The following AKAP6 variants were observed in gnomAD, a reference collection of about 807,000 sequenced individuals.
AKAP6 encodes A-kinase anchor protein 6.
A neutral mutation model predicts 188.5 loss-of-function variants in AKAP6; 58 were observed. That is an observed-to-expected ratio of 0.31 (90% CI 0.25 to 0.38). The LOEUF (loss-of-function observed/expected upper bound fraction) is 0.38. AKAP6 is among the 10% of genes least tolerant of loss of function. AKAP6 has a pLI of 1.00. For synonymous variants in AKAP6, 989 were observed against 998.6 expected (o/e 0.99, Z 0.18); for missense variants, 2,710 against 2,740.0 (o/e 0.99, Z 0.24).
intron 12 of AKAP6, among the ~76,000 whole-genome samples, chr14:32,803,633 C>T (rs1396536595): frequency 1.3e-5 from 2 of 152,028 alleles, no homozygotes; most frequent in Non-Finnish European, 2.9e-5. Flanking sequence ...TTGATCTTTC[C>T]ATTTTCTCTG....
rs866236844 is a variant in AKAP6, at chr14:32,455,702, T to G, written c.324+21885T>G. The stretch of plus-strand genomic sequence containing the variant: ...CACTTTAAAATTTTCTTTTGTGATG[T>G]TGTTGCTAGGGGAACAATATGGTAA... On this transcript the variant is annotated intron_variant, in intron 2 of 13. Coordinates refer to ENST00000280979, the MANE Select transcript of AKAP6 (RefSeq NM_004274.5). Among the ~76,000 whole-genome samples the G allele has an allele frequency of 4.6e-5, 7 of 152,230 alleles. 1 individual carries two copies. In the South Asian group the frequency reaches 1.4e-3, roughly 31 times the overall value.
chr14:32,647,530 C>T lies in AKAP6; in HGVS notation c.2731-30781C>T, dbSNP rs899483977. Among the ~76,000 whole-genome samples, 9 of 152,152 alleles carry T rather than the reference C, an allele frequency of 5.9e-5. No homozygotes were observed. The South Asian group carries it at 8.3e-4, about 14-fold the overall frequency. ...CTTATCTTCTAATAGGAAGACTGAG[C>T]GGAATTTAAGTGGCATCTTCAGCTT... On this transcript the variant is annotated intron_variant, in intron 7 of 13. Transcript: ENST00000280979.
chr14:32,576,187 A>G (rs1884706014), intron 4 of AKAP6, among the ~76,000 whole-genome samples: 1 of 152,140 alleles, frequency 6.6e-6, no homozygotes, highest in African/African-American at 2.4e-5. Flanking sequence ...TTTGAAAGGC[A>G]CATCTGAAGA....
chr14:32,539,397 T>C (rs1882821046), intron 3 of AKAP6, among the ~76,000 whole-genome samples: 1 of 152,134 alleles, frequency 6.6e-6, no homozygotes, highest in Admixed American at 6.6e-5. Flanking sequence ...CTGGCACTTA[T>C]AATGGGCCAA....
chr14:32,633,547 A>G (rs906610779), intron 7 of AKAP6, among the ~76,000 whole-genome samples: 1 of 152,032 alleles, frequency 6.6e-6, no homozygotes, highest in African/African-American at 2.4e-5. Flanking sequence ...GCTTTGGACA[A>G]TGGTAAGTGA....
At chr14:32,620,397 G>A (rs1252121430) in intron 7 of AKAP6, among the ~76,000 whole-genome samples, 1 of 152,008 alleles carries the variant, frequency 6.6e-6, no homozygotes, top group Non-Finnish European at 1.5e-5. Flanking sequence ...TTCATTGAAT[G>A]TTTTTTCTGC....
At chr14:32,523,485 T>C (rs1356007182) in intron 2 of AKAP6, among the ~76,000 whole-genome samples, 2 of 151,718 alleles carry the variant, frequency 1.3e-5, no homozygotes, top group Admixed American at 6.6e-5. Context: ...TTTTTTTTTT[T>C]TGAGACGGGG....
chr14:32,758,151 A>C (rs2032408404), intron 11 of AKAP6, among the ~76,000 whole-genome samples: 1 of 152,322 alleles, frequency 6.6e-6, no homozygotes, highest in Non-Finnish European at 1.5e-5. Context: ...AGTGCTTAGA[A>C]GATGGTAGAA....
Position 32,431,130 on chromosome 14 carries a change from G to T in AKAP6, c.-34-2330G>T, listed in dbSNP as rs140893266. 7.0e-3 allele frequency among the ~76,000 whole-genome samples: 1,072 copies of T among 152,180 alleles called. 8 individuals are homozygous for T. The highest frequency in any genetic ancestry group is 0.02 in the Middle Eastern group (6 of 294). Reference sequence around the variant, plus strand: ...AAAAAAAAAAAAATTGGAGAAATTGGAATCAGCCTGAGGCTGGGGTATGGT... The same window carrying T: ...AAAAAAAAAAAAATTGGAGAAATTGTAATCAGCCTGAGGCTGGGGTATGGT... On this transcript the variant is annotated intron_variant, in intron 1 of 13. Coordinates refer to ENST00000280979, the MANE Select transcript of AKAP6 (RefSeq NM_004274.5).
intron 12 of AKAP6, among the ~76,000 whole-genome samples, chr14:32,813,432 T>G (rs1482582847): frequency 3.4e-5 from 4 of 118,148 alleles, no homozygotes; most frequent in Non-Finnish European, 6.5e-5. Flanking sequence ...TCGGTGGAGC[T>G]GAAAGTTCCA....
chr14:32,668,852 G>T (rs183687909), intron 7 of AKAP6, among the ~76,000 whole-genome samples: 76 of 151,940 alleles, frequency 5.0e-4, no homozygotes, highest in Admixed American at 5.0e-3. Context: ...TATATGCAGT[G>T]GTCTTTGCTG....
At chr14:32,739,506 C>A (rs1474099056) in intron 11 of AKAP6, among the ~76,000 whole-genome samples, 3 of 151,942 alleles carry the variant, frequency 2.0e-5, no homozygotes, top group Admixed American at 6.6e-5. Flanking sequence ...CCATTAACCA[C>A]CCTGTTTGCC....
At chr14:32,404,703 T>G (rs1475434032) in intron 1 of AKAP6, among the ~76,000 whole-genome samples, 3 of 128,424 alleles carry the variant, frequency 2.3e-5, no homozygotes, top group African/African-American at 8.7e-5. Context: ...TATATATATA[T>G]ATATATATTA....
chr14:32,769,255 A>G (rs1166251873), intron 11 of AKAP6, among the ~76,000 whole-genome samples: 1 of 151,146 alleles, frequency 6.6e-6, no homozygotes, highest in Non-Finnish European at 1.5e-5. Context: ...ACTGTGTTGG[A>G]TAGGCTGGTC....
rs1046881172 is a variant in AKAP6, at chr14:32,832,406, T to C, written c.*2601T>C. 2.6e-5 allele frequency: 4 copies of C among 152,222 alleles called. No homozygotes were observed. The highest frequency in any genetic ancestry group is 2.0e-4 in the Admixed American group (3 of 15,282). The allele number at this position is 152,222 out of a possible 1,614,324, so 9.4% of individuals were successfully genotyped here. ...CATTCAAAGAACAAACTGACAATGATGTTCTACCTACTTGTTACATGCTCA... is the reference window on the plus strand; with the variant it reads ...CATTCAAAGAACAAACTGACAATGACGTTCTACCTACTTGTTACATGCTCA... On this transcript the variant is annotated 3_prime_UTR_variant, in exon 14 of 14. Transcript: ENST00000280979.
At chr14:32,491,023 G>T (rs1489845230) in intron 2 of AKAP6, among the ~76,000 whole-genome samples, 1 of 152,162 alleles carries the variant, frequency 6.6e-6, no homozygotes, top group Non-Finnish European at 1.5e-5. Context: ...TACCAGAAAA[G>T]ACATTTAATA....
chr14:32,464,626 C>A (rs569908527), intron 2 of AKAP6, among the ~76,000 whole-genome samples: 1 of 152,092 alleles, frequency 6.6e-6, no homozygotes, highest in African/African-American at 2.4e-5. Flanking sequence ...ATGACAAACC[C>A]GTAACCAACA....
At position 32,428,481 on chromosome 14, in the gene AKAP6, G is replaced by T. The variant is rs980285110; in HGVS notation, c.-34-4979G>T. Among the ~76,000 whole-genome samples, 5 of 152,144 alleles carry T rather than the reference G, an allele frequency of 3.3e-5. No individual in the cohort carries two copies. The South Asian group carries it at 1.0e-3, about 32-fold the overall frequency. On this transcript the variant is annotated intron_variant, in intron 1 of 13. Transcript: ENST00000280979. ...CAGCCCCGACACTGGCCTTCATATT[G>T]TTTGGCCACAAGAAGAGAAACACCG...
In AKAP6 at chr14:32,615,167, C is replaced by CAAA. The variant is rs71115086; in HGVS notation, c.2730+14392_2730+14394dup. ...CTGGCAACAGAGCAAGACTCTGTCT[C>CAAA]AAAAAAAAAAAAAAAAAAAGATAAA... On this transcript the variant is annotated intron_variant, in intron 7 of 13. Transcript: ENST00000280979. Among the ~76,000 whole-genome samples, 99 of 53,488 alleles carry CAAA rather than the reference C, an allele frequency of 1.9e-3. 6 individuals are homozygous for CAAA. The highest frequency in any genetic ancestry group is 2.7e-3 in the Admixed American group (11 of 4,124). 35.1% of individuals were successfully genotyped at this position (53,488 alleles called of 152,430 possible). A position where few individuals can be genotyped will look rare whatever the true frequency, so the allele number is the denominator to read the frequency against.
Sources: gnomAD v4.1 joint callset for allele counts (sites outside exome capture counted in the v4.1 genomes callset) on GRCh38, gnomAD v4.1.1 for gene constraint, MANE v1.5 for transcripts, NCBI Gene and HGNC (gene_info 2026-07-23, HGNC 2026-07-21) for gene names.